The following HEATR5A variants were observed in gnomAD, a reference collection of about 807,000 sequenced individuals.
HEATR5A encodes the protein HEAT repeat containing 5A, also known as HEAT repeat-containing protein 5A.
A neutral mutation model predicts 218.8 loss-of-function variants in HEATR5A; 178 were observed. The ratio of observed to expected loss-of-function variants is 0.81; its 90% confidence interval spans 0.72 to 0.92. The LOEUF (loss-of-function observed/expected upper bound fraction) is 0.92, where lower values mean the gene tolerates loss of function less well. Ranked by LOEUF, HEATR5A falls within the 40% of genes least tolerant of loss-of-function variation. The pLI, the probability that HEATR5A is intolerant of heterozygous loss-of-function variation, is 0.00. For missense variants in HEATR5A, 2,420 were observed against 2,418.9 expected (o/e 1.00, Z -0.01); for synonymous variants, 864 against 871.6 (o/e 0.99, Z 0.15).
At chr14:31,403,183 C>A (rs1427545301) in intron 1 of HEATR5A, 134 bp from the exon 2 acceptor site, 3 of 481,776 alleles carry the variant, frequency 6.2e-6, no homozygotes, top group Non-Finnish European at 1.1e-5. Context: ...CTGGGAAAAT[C>A]CCAATAATGT....
chr14:31,316,611 A>T (rs774615317), intron 26 of HEATR5A, among the ~76,000 whole-genome samples: 2 of 152,256 alleles, frequency 1.3e-5, no homozygotes, highest in Non-Finnish European at 2.9e-5. Context: ...AGACAGTGTA[A>T]TTTTAATCTT....
At chr14:31,416,422 G>A (rs964581494) in intron 1 of HEATR5A, among the ~76,000 whole-genome samples, 4 of 152,018 alleles carry the variant, frequency 2.6e-5, no homozygotes, top group African/African-American at 9.7e-5. Flanking sequence ...GCATCTGGTC[G>A]ATGGTTTTAA....
At chr14:31,383,831 T>C (rs771027618) in intron 9 of HEATR5A, 60 bp from the exon 10 acceptor site, 23 of 1,391,150 alleles carry the variant, frequency 1.7e-5, no homozygotes, top group Non-Finnish European at 2.2e-5. Flanking sequence ...GACCATAAAA[T>C]AGTCAAAAGA....
intron 4 of HEATR5A, among the ~76,000 whole-genome samples, chr14:31,397,591 G>A (rs1335830017): frequency 4.0e-5 from 6 of 151,598 alleles, no homozygotes; most frequent in East Asian, 3.9e-4. Context: ...CCCAGGAGGC[G>A]GAGATTGTAG....
At chr14:31,391,048 G>A (rs758884416) in intron 6 of HEATR5A, among the ~76,000 whole-genome samples, 31 of 150,970 alleles carry the variant, frequency 2.1e-4, no homozygotes, top group Non-Finnish European at 3.5e-4. Flanking sequence ...TAATGTGTGT[G>A]TTTAAAAGTT....
intron 1 of HEATR5A, among the ~76,000 whole-genome samples, chr14:31,419,806 C>G (rs1440959926): frequency 6.6e-6 from 1 of 152,182 alleles, no homozygotes; most frequent in Admixed American, 6.5e-5. Flanking sequence ...CCGCGTTGGC[C>G]GAGAGTAGGG....
intron 1 of HEATR5A, among the ~76,000 whole-genome samples, chr14:31,415,805 CA>C (rs2031424122): frequency 6.6e-6 from 1 of 152,070 alleles, no homozygotes; most frequent in Non-Finnish European, 1.5e-5. Flanking sequence ...CCAAATGCAA[CA>C]GAAAAGTATA....
chr14:31,380,109 G>A (rs914900375), intron 11 of HEATR5A, among the ~76,000 whole-genome samples: 1 of 152,142 alleles, frequency 6.6e-6, no homozygotes, highest in Non-Finnish European at 1.5e-5. Context: ...CCCAAGCTAT[G>A]GGTATGTTCT....
At position 31,368,102 on chromosome 14, in the gene HEATR5A, G is replaced by A. The variant is rs188474016; in HGVS notation, c.1961+3708C>T. Among the ~76,000 whole-genome samples the A allele has an allele frequency of 2.1e-4, 32 of 152,228 alleles. No homozygotes were observed. In the East Asian group the frequency reaches 4.2e-3, roughly 20 times the overall value. On this transcript the variant is annotated intron_variant, in intron 13 of 35. Coordinates refer to ENST00000543095, the MANE Select transcript of HEATR5A (RefSeq NM_015473.4). ...GTAGGGCCTTTTGGTAGGTGTTCAG[G>A]TCGTGAAGGCAAAGCCCTCACAAAT...
At chr14:31,320,301 T>C in intron 25 of HEATR5A, 1 of 733,394 alleles carries the variant, frequency 1.4e-6, no homozygotes, top group South Asian at 1.3e-5. Context: ...AAGCCCAGAA[T>C]GGCATAGAAG....
At chr14:31,340,952 A>G (rs762856908) in intron 21 of HEATR5A, among the ~76,000 whole-genome samples, 1 of 152,242 alleles carries the variant, frequency 6.6e-6, no homozygotes, top group Non-Finnish European at 1.5e-5. Context: ...GCTAAGGCCA[A>G]GTTTAGAACG....
At position 31,388,883 on chromosome 14, in the gene HEATR5A, TG is replaced by T; in HGVS notation, c.894del (p.Ser299ValfsTer22). 1 of 1,613,908 alleles carries T rather than the reference TG, an allele frequency of 6.2e-7. No individual in the cohort carries two copies. Among genetic ancestry groups the T allele is most frequent in the Non-Finnish European group, 8.5e-7 (1 of 1,179,832 alleles). On this transcript the variant is annotated frameshift_variant, in exon 7 of 36. Coordinates refer to ENST00000543095, the MANE Select transcript of HEATR5A (RefSeq NM_015473.4). LOFTEE classifies it high-confidence loss of function. ...LRASGDMLKG[T>X]SSVSRDVRVG... ...ACTCGAACATCCCTACTGACTGAAC[TG>T]GTTCCTTTCAGCATATCTCCACTGG... is the stretch of plus-strand genomic sequence containing the variant.
At chr14:31,338,909 G>A (rs1399916345) in intron 21 of HEATR5A, among the ~76,000 whole-genome samples, 1 of 152,002 alleles carries the variant, frequency 6.6e-6, no homozygotes, top group Non-Finnish European at 1.5e-5. Flanking sequence ...TTGAGGTCAG[G>A]AGTTCAAAAC....
intron 6 of HEATR5A, among the ~76,000 whole-genome samples, chr14:31,390,156 T>C (rs1444295007): frequency 3.9e-5 from 6 of 152,100 alleles, no homozygotes; most frequent in African/African-American, 1.4e-4. Flanking sequence ...CAGGTGAGTT[T>C]ACACAGAGCA....
chr14:31,337,546 T>G lies in HEATR5A; in HGVS notation c.3297A>C (p.Gln1099His). Residue 1099 changes from glutamine (Q) to histidine (H), a missense_variant, in exon 22 of 36, where the codon CAA becomes CAC. Physicochemically the swap from Gln to His is conservative, Grantham distance 24. Transcript: ENST00000543095. ...AVLACLRQLV[Q>H]REAAEVSEHA... ...GTTCTGAAACTTCAGCTGCTTCTCT[T>G]TGTACAAGCTGACGTAAGCAAGCCA... 1.3e-6 allele frequency: 2 copies of G among 1,581,274 alleles called. No individual in the cohort carries two copies. Among genetic ancestry groups the G allele is most frequent in the South Asian group, 2.3e-5 (2 of 86,248 alleles).
chr14:31,305,524 A>T (rs1378535673), intron 31 of HEATR5A, among the ~76,000 whole-genome samples: 1 of 152,174 alleles, frequency 6.6e-6, no homozygotes, highest in Non-Finnish European at 1.5e-5. Context: ...CGGCCTCCCA[A>T]AGTGCCAGGA....
intron 13 of HEATR5A, chr14:31,371,600 T>C (rs1902039803): frequency 2.8e-6 from 1 of 353,276 alleles, no homozygotes; most frequent in Non-Finnish European, 5.1e-6. Flanking sequence ...AATCTGCCTG[T>C]ATGTAAGGTA....
chr14:31,384,433 G>C (rs1272348913), intron 9 of HEATR5A, among the ~76,000 whole-genome samples: 1 of 147,138 alleles, frequency 6.8e-6, no homozygotes, highest in Non-Finnish European at 1.5e-5. Flanking sequence ...GACAGACTGA[G>C]ACCCTGCCTT....
At chr14:31,334,186 C>T in intron 22 of HEATR5A, 1 of 262,680 alleles carries the variant, frequency 3.8e-6, no homozygotes, top group Admixed American at 4.1e-5. Flanking sequence ...TATTACTGCT[C>T]ACTGACAATG....
Sources: gnomAD v4.1 joint callset for allele counts (sites outside exome capture counted in the v4.1 genomes callset) on GRCh38, gnomAD v4.1.1 for gene constraint, MANE v1.5 for transcripts, NCBI Gene and HGNC (gene_info 2026-07-23, HGNC 2026-07-21) for gene names.